Variants in SPSB1 observed in about 807,000 individuals in gnomAD.
SPSB1 encodes splA/ryanodine receptor domain and SOCS box containing 1.
A neutral mutation model predicts 21.2 loss-of-function variants in SPSB1; 8 were observed. That is an observed-to-expected ratio of 0.38 (90% CI 0.22 to 0.68). The LOEUF (loss-of-function observed/expected upper bound fraction) is 0.68, where lower values mean the gene tolerates loss of function less well. Ranked by LOEUF, SPSB1 falls within the 30% of genes least tolerant of loss-of-function variation. SPSB1 has a pLI of 0.53. For synonymous variants in SPSB1, 169 were observed against 161.7 expected (o/e 1.05, Z -0.34); for missense variants, 242 against 377.8 (o/e 0.64, Z 2.98).
Position 9,324,714 on chromosome 1 carries a change from G to A in SPSB1, c.-149-31029G>A, listed in dbSNP as rs191832430. On this transcript the variant is annotated intron_variant, in intron 1 of 2. Transcript: ENST00000328089. This position sits in a 1 kb window ranked among gnomAD's most constrained non-coding sequence, Gnocchi z 4.3. Reference sequence around the variant, plus strand: ...AGGCAGCGGCCAGCCAGCATCTCCCGGAGCCCAGAATCTCTCTGGGAATGA... The same window carrying A: ...AGGCAGCGGCCAGCCAGCATCTCCCAGAGCCCAGAATCTCTCTGGGAATGA... 1.1e-4 allele frequency among the ~76,000 whole-genome samples: 16 copies of A among 152,296 alleles called. No individual in the cohort carries two copies. Among genetic ancestry groups the A allele is most frequent in the Non-Finnish European group, 2.2e-4 (15 of 68,012 alleles).
rs33978312 is a variant in SPSB1, at chr1:9,325,225, AC to A, written c.-149-30506del. ...GCCTGAGCCAATGCCTCCCACCACC[AC>A]CCCCCCCCCCCGCCCCGCCTCCACC... On this transcript the variant is annotated intron_variant, in intron 1 of 2. Coordinates refer to ENST00000328089, the MANE Select transcript of SPSB1 (RefSeq NM_025106.4). 3.2e-3 allele frequency among the ~76,000 whole-genome samples: 429 copies of A among 133,594 alleles called. 5 individuals carry two copies. Among genetic ancestry groups the A allele is most frequent in the African/African-American group, 0.014 (400 of 29,370 alleles). 87.6% of individuals were successfully genotyped at this position (133,594 alleles called of 152,430 possible).
At chr1:9,338,408 G>T (rs866676273) in intron 1 of SPSB1, among the ~76,000 whole-genome samples, 1 of 152,196 alleles carries the variant, frequency 6.6e-6, no homozygotes, top group African/African-American at 2.4e-5. Flanking sequence ...TCCTGGCTGC[G>T]CCTAAGGCCC....
intron 2 of SPSB1, among the ~76,000 whole-genome samples, chr1:9,366,166 C>A (rs1640568373): frequency 6.6e-6 from 1 of 152,240 alleles, no homozygotes; most frequent in Non-Finnish European, 1.5e-5. Flanking sequence ...CTCTGTAACC[C>A]TGGGGCCTGA....
chr1:9,344,570 G>A (rs765900377), intron 1 of SPSB1, among the ~76,000 whole-genome samples: 1 of 152,206 alleles, frequency 6.6e-6, no homozygotes, highest in Non-Finnish European at 1.5e-5. Context: ...CAGGTGTTGA[G>A]AGGCGGCAGG....
chr1:9,340,724 G>C (rs1233287073), intron 1 of SPSB1, among the ~76,000 whole-genome samples: 1 of 152,254 alleles, frequency 6.6e-6, no homozygotes, highest in African/African-American at 2.4e-5. Flanking sequence ...CCCGTCCCCT[G>C]CTCGCCCCTC....
intron 1 of SPSB1, among the ~76,000 whole-genome samples, chr1:9,296,093 G>A (rs1639219811): frequency 6.6e-6 from 1 of 152,102 alleles, no homozygotes; most frequent in Non-Finnish European, 1.5e-5. Context: ...GCAGCCAGGT[G>A]CCCGGCTCTG....
At chr1:9,350,841 C>G (rs1640244310) in intron 1 of SPSB1, among the ~76,000 whole-genome samples, 2 of 152,244 alleles carry the variant, frequency 1.3e-5, no homozygotes, top group Admixed American at 1.3e-4. Flanking sequence ...TCTGCATTTG[C>G]TTCTCAGAGC....
chr1:9,330,985 T>C (rs1371411191), intron 1 of SPSB1, among the ~76,000 whole-genome samples: 1 of 152,098 alleles, frequency 6.6e-6, no homozygotes, highest in Non-Finnish European at 1.5e-5. Context: ...TATTGAAGGA[T>C]GATATACCCA....
At chr1:9,330,490 A>ATAATAATAT (rs1639896885) in intron 1 of SPSB1, among the ~76,000 whole-genome samples, 2 of 151,308 alleles carry the variant, frequency 1.3e-5, no homozygotes, top group African/African-American at 4.9e-5. Context: ...AATAATAATA[A>ATAATAATAT]TAATAAAGAT....
At chr1:9,316,310 G>A (rs114198579) in intron 1 of SPSB1, among the ~76,000 whole-genome samples, 3,291 of 152,278 alleles carry the variant, frequency 0.022, 44 homozygotes, top group South Asian at 0.034. Context: ...AGATGGGGGC[G>A]TCCCTTGGCA....
Position 9,369,089 on chromosome 1 carries a change from G to A in SPSB1, c.*1514G>A, listed in dbSNP as rs2100527619. The A allele has an allele frequency of 6.6e-6, 1 of 152,606 alleles. No individual in the cohort carries two copies. The highest frequency in any genetic ancestry group is 1.5e-5 in the Non-Finnish European group (1 of 68,012). 9.5% of individuals were successfully genotyped at this position (152,606 alleles called of 1,614,324 possible). A position where few individuals can be genotyped will look rare whatever the true frequency, so the allele number is the denominator to read the frequency against. ...GTCTGTAAGAATTATGTTTTAAACA[G>A]CTGCTGTAGAGTACCTTTTTTTAAG... On this transcript the variant is annotated 3_prime_UTR_variant, in exon 3 of 3. Transcript: ENST00000328089.
chr1:9,308,977 G>A (rs976097444), intron 1 of SPSB1, among the ~76,000 whole-genome samples: 1 of 152,090 alleles, frequency 6.6e-6, no homozygotes, highest in Admixed American at 6.5e-5. Context: ...CCAGGGGCTG[G>A]GCGGGCACCA....
chr1:9,297,378 C>T (rs1342598085), intron 1 of SPSB1, among the ~76,000 whole-genome samples: 1 of 152,120 alleles, frequency 6.6e-6, no homozygotes, highest in Non-Finnish European at 1.5e-5. Context: ...CTACCTGTGA[C>T]AAGGGCTTGA....
At chr1:9,301,300 G>A (rs148213453) in intron 1 of SPSB1, among the ~76,000 whole-genome samples, 325 of 152,252 alleles carry the variant, frequency 2.1e-3, no homozygotes, top group African/African-American at 7.3e-3. Flanking sequence ...AGACCAGCCT[G>A]AGCAACATAG....
At chr1:9,308,282 A>G (rs77536890) in intron 1 of SPSB1, among the ~76,000 whole-genome samples, 2,064 of 152,198 alleles carry the variant, frequency 0.014, 44 homozygotes, top group African/African-American at 0.047. Flanking sequence ...CAAGGGGGCC[A>G]TTTGCCCTGG....
intron 1 of SPSB1, among the ~76,000 whole-genome samples, chr1:9,344,620 T>C (rs1409910034): frequency 6.6e-6 from 1 of 152,204 alleles, no homozygotes; most frequent in African/African-American, 2.4e-5. Context: ...TCTTACTTTG[T>C]GCCTGGAGCT....
At chr1:9,306,988 C>T (rs1031502583) in intron 1 of SPSB1, among the ~76,000 whole-genome samples, 7 of 150,750 alleles carry the variant, frequency 4.6e-5, no homozygotes, top group East Asian at 2.0e-4. Context: ...GGTGCAGCGG[C>T]ACAGTCTCAG....
Position 9,361,156 on chromosome 1 carries a change from C to CCTTTTTT in SPSB1, c.694+4571_694+4572insCTTTTTT, listed in dbSNP as rs1553128958. Among the ~76,000 whole-genome samples, 24 of 102,570 alleles carry CCTTTTTT rather than the reference C, an allele frequency of 2.3e-4. 6 individuals are homozygous for CCTTTTTT. The highest frequency in any genetic ancestry group is 1.0e-3 in the South Asian group (3 of 2,980). The allele number at this position is 102,570 out of a possible 152,430, so 67.3% of individuals were successfully genotyped here. ...CAGGCATGGCTGGATCTGTCATTTT[C>CCTTTTTT]TTTTTTTTTTTTTTTTTTTTTTTTT... On this transcript the variant is annotated intron_variant, in intron 2 of 2. Transcript: ENST00000328089.
chr1:9,309,931 G>A (rs1435310849), intron 1 of SPSB1, among the ~76,000 whole-genome samples: 1 of 152,108 alleles, frequency 6.6e-6, no homozygotes, highest in Non-Finnish European at 1.5e-5. Flanking sequence ...CAACTTCCTG[G>A]TCATTTTGTT....
Sources: gnomAD v4.1 joint callset for allele counts (sites outside exome capture counted in the v4.1 genomes callset) on GRCh38, gnomAD v4.1.1 for gene constraint, Gnocchi (gnomAD v3.1) non-coding constraint, MANE v1.5 for transcripts, NCBI Gene and HGNC (gene_info 2026-07-23, HGNC 2026-07-21) for gene names.